RASGRF2: variants seen among roughly 807,000 people sequenced by gnomAD.
The protein encoded by RASGRF2 is ras-specific guanine nucleotide-releasing factor 2.
RASGRF2 carries 76 observed loss-of-function variants against 151.0 expected under a neutral mutation model. The ratio of observed to expected loss-of-function variants is 0.50; its 90% CI spans 0.42 to 0.61. RASGRF2 has a LOEUF of 0.61. Ranked by LOEUF, RASGRF2 falls within the 20% of genes least tolerant of loss-of-function variation. The pLI, the probability that RASGRF2 is intolerant of heterozygous loss-of-function variation, is 0.00. For synonymous variants in RASGRF2, 504 were observed against 566.5 expected (o/e 0.89, Z 1.57); for missense variants, 1,148 against 1,564.6 (o/e 0.73, Z 4.49).
intron 17 of RASGRF2, among the ~76,000 whole-genome samples, chr5:81,145,528 G>A (rs1580357034): frequency 6.6e-6 from 1 of 152,214 alleles, no homozygotes; most frequent in Non-Finnish European, 1.5e-5. Flanking sequence ...GGAAGTGATC[G>A]TGTATGACTT....
chr5:80,986,927 C>T (rs1229258884), intron 1 of RASGRF2, among the ~76,000 whole-genome samples: 1 of 152,108 alleles, frequency 6.6e-6, no homozygotes, highest in Non-Finnish European at 1.5e-5. Flanking sequence ...TTGAAGCCCT[C>T]GGAGGTCTGG....
At chr5:81,087,317 C>T (rs774081598) in intron 9 of RASGRF2, 4 of 703,054 alleles carry the variant, frequency 5.7e-6, no homozygotes, top group South Asian at 3.0e-5. Flanking sequence ...GAGAAACTTG[C>T]GTTGCTCAAA....
At chr5:81,193,579 G>A (rs376239523) in intron 18 of RASGRF2, among the ~76,000 whole-genome samples, 3 of 151,934 alleles carry the variant, frequency 2.0e-5, no homozygotes, top group East Asian at 1.9e-4. Flanking sequence ...GCAATGGCAC[G>A]ATCTCGGCTC....
intron 1 of RASGRF2, among the ~76,000 whole-genome samples, chr5:81,008,102 G>A (rs1749330387): frequency 6.8e-6 from 1 of 146,264 alleles, no homozygotes; most frequent in Non-Finnish European, 1.5e-5. Flanking sequence ...AAAAGTGGAT[G>A]ATGATGGTTT....
At chr5:81,203,942 C>T (rs1026957081) in intron 19 of RASGRF2, 4 of 152,216 alleles carry the variant, frequency 2.6e-5, no homozygotes, top group Admixed American at 6.5e-5. Context: ...GTCAACTCAA[C>T]TTTCTTTAGG....
chr5:81,221,844 G>T (rs1408532586), intron 26 of RASGRF2, among the ~76,000 whole-genome samples: 1 of 152,194 alleles, frequency 6.6e-6, no homozygotes, highest in African/African-American at 2.4e-5. Context: ...AGGCATGGTG[G>T]CGGGCAGCTG....
chr5:80,985,689 A>G lies in RASGRF2; in HGVS notation c.288+24663A>G, dbSNP rs533008337. Among the ~76,000 whole-genome samples the G allele has an allele frequency of 7.6e-4, 115 of 152,252 alleles. 1 individual carries two copies. Among genetic ancestry groups the G allele is most frequent in the Middle Eastern group, 3.4e-3 (1 of 294 alleles). On this transcript the variant is annotated intron_variant, in intron 1 of 26. Coordinates refer to ENST00000265080, the MANE Select transcript of RASGRF2 (RefSeq NM_006909.3). Reference sequence around the variant, plus strand: ...AATTGTGATCGCCAGTGACTTTCCCACTAAAATAATTTCCTGAATATTTAA... The same window carrying G: ...AATTGTGATCGCCAGTGACTTTCCCGCTAAAATAATTTCCTGAATATTTAA...
intron 1 of RASGRF2, among the ~76,000 whole-genome samples, chr5:80,965,752 G>A (rs1747702145): frequency 6.6e-6 from 1 of 152,194 alleles, no homozygotes; most frequent in Admixed American, 6.5e-5. Context: ...TAAAGCATGT[G>A]TGATAACCAA....
At chr5:81,179,941 C>T (rs1235881373) in intron 17 of RASGRF2, among the ~76,000 whole-genome samples, 1 of 152,148 alleles carries the variant, frequency 6.6e-6, no homozygotes, top group Non-Finnish European at 1.5e-5. Flanking sequence ...CAGTGGTCTT[C>T]AATAAATATG....
chr5:81,186,473 A>G (rs2112686088), intron 18 of RASGRF2, among the ~76,000 whole-genome samples: 1 of 152,286 alleles, frequency 6.6e-6, no homozygotes, highest in South Asian at 2.1e-4. Context: ...GTTCTTTTAC[A>G]TTTAGCATTG....
chr5:80,984,052 T>G (rs1033497790), intron 1 of RASGRF2, among the ~76,000 whole-genome samples: 1 of 152,148 alleles, frequency 6.6e-6, no homozygotes. Context: ...GAGCTCGTTT[T>G]TCCTTCTTCT....
chr5:81,026,940 A>C (rs1295862752), intron 1 of RASGRF2, among the ~76,000 whole-genome samples: 6 of 152,218 alleles, frequency 3.9e-5, no homozygotes, highest in Admixed American at 3.9e-4. Context: ...TCGTGAATAG[A>C]TAAGAATGAG....
intron 15 of RASGRF2, among the ~76,000 whole-genome samples, chr5:81,119,584 T>G (rs1426689179): frequency 6.6e-6 from 1 of 152,184 alleles, no homozygotes. Flanking sequence ...GATCAAGCTC[T>G]TAGGGAAGGA....
At chr5:81,084,545 A>G (rs1026750364) in intron 7 of RASGRF2, among the ~76,000 whole-genome samples, 1 of 152,164 alleles carries the variant, frequency 6.6e-6, no homozygotes, top group Non-Finnish European at 1.5e-5. Context: ...TGATTTGATG[A>G]CATTCCTTAG....
chr5:81,219,713 T>C lies in RASGRF2; in HGVS notation c.3556T>C (p.Ser1186Pro). The C allele has an allele frequency of 1.2e-6, 2 of 1,607,850 alleles. No individual in the cohort carries two copies. Among genetic ancestry groups the C allele is most frequent in the Non-Finnish European group, 1.7e-6 (2 of 1,174,400 alleles). ...LVNFSKMRMI[S>P]HIIREIRQFQ... The stretch of plus-strand genomic sequence containing the variant: ...GTTTTGTTTTTTTCTCTGTTAGATA[T>C]CACACATCATCAGAGAGATACGCCA... The change falls in exon 26 of 27, where the codon TCA becomes CCA. Residue 1186 changes from serine to proline, a missense_variant. Ser to Pro is a moderately conservative substitution (Grantham distance 74, BLOSUM62 -1). This residue lies in a region of RASGRF2 where 100 missense variants were observed against 148.2 expected (regional missense o/e 0.67). Transcript: ENST00000265080.
At chr5:81,114,498 A>G (rs1458503206) in intron 15 of RASGRF2, among the ~76,000 whole-genome samples, 1 of 152,198 alleles carries the variant, frequency 6.6e-6, no homozygotes, top group Non-Finnish European at 1.5e-5. Context: ...CGTAGCCAAA[A>G]TAGTTTTTTT....
At chr5:80,975,766 G>A (rs894111532) in intron 1 of RASGRF2, among the ~76,000 whole-genome samples, 1 of 151,884 alleles carries the variant, frequency 6.6e-6, no homozygotes, top group Non-Finnish European at 1.5e-5. Context: ...GTTTAAACTT[G>A]GCTTTTAGGT....
chr5:81,103,645 T>C (rs1752763617), intron 12 of RASGRF2, among the ~76,000 whole-genome samples: 2 of 151,928 alleles, frequency 1.3e-5, no homozygotes, highest in Admixed American at 1.3e-4. Flanking sequence ...AAAAACCTCA[T>C]CTAGACACGT....
At chr5:81,108,540 G>C (rs1463589896) in intron 12 of RASGRF2, among the ~76,000 whole-genome samples, 1 of 152,142 alleles carries the variant, frequency 6.6e-6, no homozygotes, top group Non-Finnish European at 1.5e-5. Flanking sequence ...GACAGAAGAT[G>C]AATTCCATCC....
Sources: gnomAD v4.1 joint callset for allele counts (sites outside exome capture counted in the v4.1 genomes callset) on GRCh38, gnomAD v4.1.1 for gene constraint, gnomAD v4.1.1 regional missense constraint, MANE v1.5 for transcripts, NCBI Gene and HGNC (gene_info 2026-07-23, HGNC 2026-07-21) for gene names.